BAIAP2: variants seen among roughly 807,000 people sequenced by gnomAD.
BAIAP2 encodes BAR/IMD domain containing adaptor protein 2.
In BAIAP2, 18 loss-of-function variants were observed where a neutral mutation model predicts 63.0. That is an observed-to-expected ratio of 0.29 (90% CI 0.20 to 0.42). The LOEUF is 0.42. Ranked by LOEUF, BAIAP2 falls within the 10% of genes least tolerant of loss-of-function variation. The pLI is 1.00. For missense variants in BAIAP2, 610 were observed against 734.3 expected (o/e 0.83, Z 1.96); for synonymous variants, 386 against 307.6 (o/e 1.25, Z -2.67).
intron 3 of BAIAP2, among the ~76,000 whole-genome samples, chr17:81,074,150 A>G (rs934323904): frequency 2.0e-5 from 3 of 152,180 alleles, no homozygotes; most frequent in Non-Finnish European, 2.9e-5. Context: ...GTGTGTCACA[A>G]TGGAGGCGTG....
chr17:81,085,556 C>T (rs1334095171), intron 4 of BAIAP2, 98 bp from the exon 5 acceptor site: 5 of 1,000,266 alleles, frequency 5.0e-6, no homozygotes, highest in Non-Finnish European at 7.9e-6. Context: ...GCCGGGACAC[C>T]CGGTGTCTCG....
rs1213943057 is a variant in BAIAP2 at position 81,117,246 on chromosome 17, C to G, written c.*1407C>G. On this transcript the variant is annotated 3_prime_UTR_variant, in exon 14 of 14. Coordinates refer to ENST00000428708, the MANE Select transcript of BAIAP2 (RefSeq NM_001144888.2). ...CATCGGGTTCCTGGCACAGCCCCTC[C>G]TGTCCAGGACTTTATCATCGGCAGA... 2 of 152,254 alleles carry G rather than the reference C, an allele frequency of 1.3e-5. No homozygotes were observed. The highest frequency in any genetic ancestry group is 2.9e-5 in the Non-Finnish European group (2 of 68,036). 9.4% of individuals were successfully genotyped at this position (152,254 alleles called of 1,614,324 possible). A position where few individuals can be genotyped will look rare whatever the true frequency, so the allele number is the denominator to read the frequency against.
intron 1 of BAIAP2, among the ~76,000 whole-genome samples, chr17:81,038,585 C>T (rs1334314401): frequency 6.6e-6 from 1 of 152,252 alleles, no homozygotes; most frequent in Non-Finnish European, 1.5e-5. Context: ...GGCGGGGCCG[C>T]AGCCGTGCTT....
chr17:81,041,625 A>C (rs1035088025), intron 1 of BAIAP2, among the ~76,000 whole-genome samples: 4 of 151,854 alleles, frequency 2.6e-5, no homozygotes, highest in Non-Finnish European at 5.9e-5. Context: ...CCCAGGCTGG[A>C]GTGCAGTGGC....
intron 1 of BAIAP2, among the ~76,000 whole-genome samples, chr17:81,047,494 G>T (rs532043877): frequency 1.2e-4 from 19 of 152,362 alleles, no homozygotes; most frequent in African/African-American, 4.6e-4. Flanking sequence ...CACACACACA[G>T]GTCCACGTGT....
intron 13 of BAIAP2, chr17:81,110,932 CAGATTCTGAGCCGCCTGACT>C: frequency 1.2e-6 from 2 of 1,613,926 alleles, no homozygotes; most frequent in Non-Finnish European, 1.7e-6. Context: ...TGGAAGTGGC[CAGATTCTGAGCCGCCTGACT>C]AGAGTTAGTA....
At chr17:81,088,845 G>C (rs1408967381) in intron 6 of BAIAP2, among the ~76,000 whole-genome samples, 1 of 152,232 alleles carries the variant, frequency 6.6e-6, no homozygotes, top group Non-Finnish European at 1.5e-5. Context: ...TGGAGATCGC[G>C]GCGGGGTAGC....
In BAIAP2 at chr17:81,091,033, A is replaced by G. The variant is rs1227403506; in HGVS notation, c.489+4453A>G. On this transcript the variant is annotated intron_variant, in intron 6 of 13. Coordinates refer to ENST00000428708, the MANE Select transcript of BAIAP2 (RefSeq NM_001144888.2). ...TACTCATGTGCAGCCCCGCCCCTCC[A>G]GTGCATTCCACCCCGCCCCCACTTG... 7.2e-5 allele frequency among the ~76,000 whole-genome samples: 7 copies of G among 97,696 alleles called. No individual in the cohort carries two copies. In the Admixed American group the frequency reaches 7.9e-4, roughly 11 times the overall value. The allele number at this position is 97,696 out of a possible 152,430, so 64.1% of individuals were successfully genotyped here.
Position 81,116,393 on chromosome 17 carries a change from C to A in BAIAP2, c.*554C>A. Reference sequence around the variant, plus strand: ...TCCCTCCCCATGCCCCTCGGTGGGGCTCTCCTGGGCCCCTCACTCCCACTG... The same window carrying A: ...TCCCTCCCCATGCCCCTCGGTGGGGATCTCCTGGGCCCCTCACTCCCACTG... On this transcript the variant is annotated 3_prime_UTR_variant, in exon 14 of 14. Coordinates refer to ENST00000428708, the MANE Select transcript of BAIAP2 (RefSeq NM_001144888.2). 1 of 1,528,186 alleles carries A rather than the reference C, an allele frequency of 6.5e-7. No homozygotes were observed. The highest frequency in any genetic ancestry group is 1.4e-5 in the African/African-American group (1 of 73,150). The allele number at this position is 1,528,186 out of a possible 1,614,324, so 94.7% of individuals were successfully genotyped here. A position where few individuals can be genotyped will look rare whatever the true frequency, so the allele number is the denominator to read the frequency against.
intron 1 of BAIAP2, chr17:81,037,110 G>A (rs2046383233): frequency 8.4e-6 from 6 of 715,012 alleles, no homozygotes; most frequent in Middle Eastern, 3.8e-4. Context: ...AAAACTCTTA[G>A]GACTGAGTGT....
intron 3 of BAIAP2, among the ~76,000 whole-genome samples, chr17:81,081,977 A>C (rs1369868208): frequency 1.3e-5 from 2 of 152,074 alleles, no homozygotes; most frequent in Admixed American, 6.5e-5. Flanking sequence ...CCGTGGAGGT[A>C]CTGGGTGTGC....
At chr17:81,063,247 G>T (rs1421017793) in intron 3 of BAIAP2, among the ~76,000 whole-genome samples, 1 of 152,166 alleles carries the variant, frequency 6.6e-6, no homozygotes, top group East Asian at 1.9e-4. Context: ...GCTTTGAGGA[G>T]CCCAGGGCCT....
intron 1 of BAIAP2, among the ~76,000 whole-genome samples, chr17:81,050,304 C>G (rs530338978): frequency 6.6e-6 from 1 of 152,388 alleles, no homozygotes; most frequent in East Asian, 1.9e-4. Context: ...CGGCCGCCGC[C>G]CCTCTCTTGC....
At chr17:81,107,112 C>G in intron 12 of BAIAP2, 1 of 622,716 alleles carries the variant, frequency 1.6e-6, no homozygotes, top group Non-Finnish European at 2.6e-6. Flanking sequence ...GCAGCAGGCT[C>G]CCTGTGTCGG....
At chr17:81,074,170 A>T (rs1052667621) in intron 3 of BAIAP2, among the ~76,000 whole-genome samples, 5 of 152,218 alleles carry the variant, frequency 3.3e-5, no homozygotes, top group Non-Finnish European at 7.3e-5. Context: ...GATGAGGCAG[A>T]GAAGGTCCTT....
chr17:81,104,787 G>C, intron 10 of BAIAP2, 72 bp downstream of exon 10: 1 of 1,436,306 alleles, frequency 7.0e-7, no homozygotes, highest in Non-Finnish European at 9.5e-7. Context: ...CGACACTCAA[G>C]TGCACTGAGA....
chr17:81,114,445 C>A (rs1442657389), intron 13 of BAIAP2, among the ~76,000 whole-genome samples: 1 of 152,120 alleles, frequency 6.6e-6, no homozygotes, highest in Non-Finnish European at 1.5e-5. Context: ...GCAGCCCCTA[C>A]CCAGGCCCCA....
chr17:81,055,424 GC>G (rs1303677971), intron 2 of BAIAP2, among the ~76,000 whole-genome samples: 1 of 152,070 alleles, frequency 6.6e-6, no homozygotes, highest in East Asian at 1.9e-4. Flanking sequence ...CCCTGCAGGG[GC>G]CCCCATGGCT....
intron 6 of BAIAP2, chr17:81,098,075 G>A (rs1490811986): frequency 1.5e-6 from 2 of 1,306,666 alleles, no homozygotes; most frequent in East Asian, 2.9e-5. Flanking sequence ...ATGATCCCCA[G>A]GCCAGCTGGG....
Sources: allele counts gnomAD v4.1 joint callset (sites outside exome capture counted in the v4.1 genomes callset), GRCh38; gene constraint gnomAD v4.1.1; transcripts MANE v1.5; gene names NCBI Gene and HGNC (gene_info 2026-07-23, HGNC 2026-07-21).